The following CHCHD6 variants were observed in gnomAD, a reference collection of about 807,000 sequenced individuals.
CHCHD6 encodes the protein MICOS complex subunit MIC25.
CHCHD6 carries 28 observed loss-of-function variants against 32.3 expected under a neutral mutation model. That is an observed-to-expected ratio of 0.87 (90% CI 0.64 to 1.19). The LOEUF is 1.19. CHCHD6 is among the 50% of genes most tolerant of loss of function. The pLI is 0.00. For missense variants in CHCHD6, 333 were observed against 307.0 expected (o/e 1.08, Z -0.63); for synonymous variants, 122 against 117.5 (o/e 1.04, Z -0.25).
rs533455137 is a variant in CHCHD6, at chr3:126,725,712, C to T, written c.88-1366C>T. On this transcript the variant is annotated intron_variant, in intron 1 of 7. Transcript: ENST00000290913. Reference sequence around the variant, plus strand: ...TCATCAATGATCTTACATAGATCTTCTGGATAACTTGCTGCAGCCTCTCCA... The same window carrying T: ...TCATCAATGATCTTACATAGATCTTTTGGATAACTTGCTGCAGCCTCTCCA... Among the ~76,000 whole-genome samples, 27 of 152,334 alleles carry T rather than the reference C, an allele frequency of 1.8e-4. No individual in the cohort carries two copies. In the South Asian group the frequency reaches 5.2e-3, roughly 29 times the overall value.
intron 1 of CHCHD6, among the ~76,000 whole-genome samples, chr3:126,721,172 T>C (rs1232527567): frequency 6.6e-6 from 1 of 152,192 alleles, no homozygotes; most frequent in African/African-American, 2.4e-5. Flanking sequence ...CAGGCCGTGG[T>C]GATGTTTCCT....
intron 4 of CHCHD6, among the ~76,000 whole-genome samples, chr3:126,832,551 C>T (rs1940687957): frequency 6.6e-6 from 1 of 152,202 alleles, no homozygotes; most frequent in Admixed American, 6.5e-5. Flanking sequence ...GCTTAAACCT[C>T]TCAGATTCTG....
intron 6 of CHCHD6, among the ~76,000 whole-genome samples, chr3:126,925,603 C>A (rs2078312238): frequency 6.6e-6 from 1 of 152,130 alleles, no homozygotes; most frequent in African/African-American, 2.4e-5. Flanking sequence ...ACTTCCTCTG[C>A]CACAGCATCA....
chr3:126,881,168 A>G (rs147167348), intron 5 of CHCHD6, among the ~76,000 whole-genome samples: 6 of 152,290 alleles, frequency 3.9e-5, no homozygotes, highest in African/African-American at 1.4e-4. Flanking sequence ...GCTTGCTTGC[A>G]CTCTCCAACT....
intron 7 of CHCHD6, chr3:126,957,780 C>T (rs781591064): frequency 4.1e-5 from 25 of 615,146 alleles, no homozygotes; most frequent in Non-Finnish European, 5.5e-5. Flanking sequence ...GAGATGATCC[C>T]TGTTGCGTTT....
chr3:126,942,713 T>G lies in CHCHD6; in HGVS notation c.567-14703T>G, dbSNP rs116630598. Among the ~76,000 whole-genome samples the G allele has an allele frequency of 2.2e-3, 340 of 152,236 alleles. 3 individuals are homozygous for G. Among genetic ancestry groups the G allele is most frequent in the African/African-American group, 7.9e-3 (327 of 41,540 alleles). On this transcript the variant is annotated intron_variant, in intron 6 of 7. Transcript: ENST00000290913. ...CGTTTCTCCCAGGAGCCACATTCCT[T>G]CTGTTGGAGGATGCTGCTAGAAACC...
chr3:126,743,164 C>A (rs767472913), intron 4 of CHCHD6, among the ~76,000 whole-genome samples: 1 of 152,162 alleles, frequency 6.6e-6, no homozygotes, highest in Non-Finnish European at 1.5e-5. Context: ...TGCTCAGATT[C>A]AAGTGTGGGG....
chr3:126,959,474 G>A (rs539147936), intron 7 of CHCHD6, among the ~76,000 whole-genome samples: 82 of 152,374 alleles, frequency 5.4e-4, no homozygotes, highest in African/African-American at 1.9e-3. Flanking sequence ...GCCAGCCTTC[G>A]CCTCAGAAGG....
At chr3:126,937,877 C>T (rs58363101) in intron 6 of CHCHD6, among the ~76,000 whole-genome samples, 4,852 of 152,112 alleles carry the variant, frequency 0.032, 190 homozygotes, top group East Asian at 0.18. Flanking sequence ...TCTGGGGGAG[C>T]GGGATTTCAA....
chr3:126,704,464 C>A, intron 1 of CHCHD6, 65 bp downstream of exon 1: 4 of 1,038,444 alleles, frequency 3.9e-6, no homozygotes, highest in South Asian at 2.0e-5. Flanking sequence ...AGGTGCGGGG[C>A]GGAGCGCAGG....
intron 5 of CHCHD6, among the ~76,000 whole-genome samples, chr3:126,868,794 A>G (rs1000285463): frequency 6.6e-6 from 1 of 152,208 alleles, no homozygotes; most frequent in Non-Finnish European, 1.5e-5. Context: ...CTAGGTAAAA[A>G]CCAGATTACT....
intron 4 of CHCHD6, among the ~76,000 whole-genome samples, chr3:126,785,784 C>T (rs1414404962): frequency 6.6e-6 from 1 of 152,076 alleles, no homozygotes; most frequent in Non-Finnish European, 1.5e-5. Context: ...TTTCCTCCCC[C>T]CAGCCCCTGG....
intron 4 of CHCHD6, among the ~76,000 whole-genome samples, chr3:126,818,112 C>T (rs1206334895): frequency 6.6e-6 from 1 of 152,242 alleles, no homozygotes; most frequent in East Asian, 1.9e-4. Context: ...ACAGTGTTTT[C>T]CTCCTCACTT....
At chr3:126,838,912 A>G (rs1334228509) in intron 4 of CHCHD6, among the ~76,000 whole-genome samples, 1 of 139,806 alleles carries the variant, frequency 7.2e-6, no homozygotes, top group African/African-American at 2.7e-5. Context: ...TTTTTTTGAG[A>G]CAGTCTTGCT....
chr3:126,827,889 A>G (rs1940468529), intron 4 of CHCHD6, among the ~76,000 whole-genome samples: 1 of 152,088 alleles, frequency 6.6e-6, no homozygotes. Context: ...CATGTTCAGA[A>G]ATGTCAAATT....
Position 126,732,161 on chromosome 3 carries a change from A to G in CHCHD6, c.267-917A>G, listed in dbSNP as rs7619341. 2.9e-3 allele frequency among the ~76,000 whole-genome samples: 438 copies of G among 152,222 alleles called. 2 individuals carry two copies. Among genetic ancestry groups the G allele is most frequent in the African/African-American group, 1.0e-2 (415 of 41,524 alleles). On this transcript the variant is annotated intron_variant, in intron 3 of 7. Coordinates refer to ENST00000290913, the MANE Select transcript of CHCHD6 (RefSeq NM_032343.3). The stretch of plus-strand genomic sequence containing the variant: ...TTTTGGTACTTTTAAACATTTTAAA[A>G]ATGGTAAAGTAATGCCTGCTAATGA...
At chr3:126,781,862 T>TAA (rs1278356220) in intron 4 of CHCHD6, among the ~76,000 whole-genome samples, 10 of 152,244 alleles carry the variant, frequency 6.6e-5, no homozygotes, top group South Asian at 2.1e-4. Context: ...CTTTTTCTTT[T>TAA]CTTGCAGCAA....
chr3:126,737,336 A>T (rs899182097), intron 4 of CHCHD6, among the ~76,000 whole-genome samples: 4 of 150,048 alleles, frequency 2.7e-5, no homozygotes, highest in Admixed American at 6.7e-5. Flanking sequence ...AAGAAAGCAA[A>T]AACTTTCTTT....
At chr3:126,804,295 A>G (rs1284532294) in intron 4 of CHCHD6, among the ~76,000 whole-genome samples, 2 of 152,194 alleles carry the variant, frequency 1.3e-5, no homozygotes, top group Admixed American at 6.5e-5. Flanking sequence ...GAAAGGATCA[A>G]CAAAATTGAT....
Sources: gnomAD v4.1 joint callset for allele counts (sites outside exome capture counted in the v4.1 genomes callset) on GRCh38, gnomAD v4.1.1 for gene constraint, MANE v1.5 for transcripts, NCBI Gene and HGNC (gene_info 2026-07-23, HGNC 2026-07-21) for gene names.